The following SORL1 variants were observed in gnomAD, a reference collection of about 807,000 sequenced individuals.
SORL1 encodes the protein sortilin related receptor 1.
In SORL1, 127 loss-of-function variants were observed where a neutral mutation model predicts 273.7. That is an observed-to-expected ratio of 0.46 (90% CI 0.40 to 0.54). The LOEUF is 0.54. Ranked by LOEUF, SORL1 falls within the 20% of genes least tolerant of loss-of-function variation. The pLI is 0.00. For synonymous variants in SORL1, 1,031 were observed against 1,067.4 expected, an observed-to-expected ratio of 0.97 and a Z score of 0.66; for missense variants, 2,494 against 2,846.1, an observed-to-expected ratio of 0.88 and a Z score of 2.81.
chr11:121,553,861 C>T, intron 16 of SORL1, 76 bp from the exon 17 acceptor site: 1 of 1,414,872 alleles, frequency 7.1e-7, no homozygotes, highest in Non-Finnish European at 9.7e-7. Flanking sequence ...GTATGAGAAA[C>T]AAATAGGTCA....
chr11:121,577,500 C>T, intron 25 of SORL1, 100 bp downstream of exon 25: 1 of 1,302,860 alleles, frequency 7.7e-7, no homozygotes, highest in Non-Finnish European at 1.0e-6. Context: ...TGAGAATTAG[C>T]TTGGACCTTA....
In SORL1 at chr11:121,501,434, T is replaced by C. The variant is rs146437985; in HGVS notation, c.939+4385T>C. Among the ~76,000 whole-genome samples, 627 of 152,336 alleles carry C rather than the reference T, an allele frequency of 4.1e-3. 7 individuals carry two copies. The highest frequency in any genetic ancestry group is 0.014 in the African/African-American group (574 of 41,586). On this transcript the variant is annotated intron_variant, in intron 6 of 47. Coordinates refer to ENST00000260197, the MANE Select transcript of SORL1 (RefSeq NM_003105.6). The stretch of plus-strand genomic sequence containing the variant: ...TAGTATCTTTATGGCTTTTTCAATT[T>C]TGGGCAATTTGTGTAATGGAAATCA...
At chr11:121,497,246 A>G (rs964323409) in intron 6 of SORL1, among the ~76,000 whole-genome samples, 197 bp downstream of exon 6, 6 of 152,278 alleles carry the variant, frequency 3.9e-5, no homozygotes, top group African/African-American at 1.2e-4. Context: ...AAGTCAGAGG[A>G]GTGGAGAGGC....
At chr11:121,577,618 T>A (rs1228092499) in intron 25 of SORL1, among the ~76,000 whole-genome samples, 1 of 152,242 alleles carries the variant, frequency 6.6e-6, no homozygotes, top group Non-Finnish European at 1.5e-5. Context: ...AACAGTGTTC[T>A]GAGTGATATC....
intron 8 of SORL1, among the ~76,000 whole-genome samples, chr11:121,515,761 C>T (rs975599276): frequency 1.3e-5 from 2 of 152,128 alleles, no homozygotes; most frequent in Non-Finnish European, 1.5e-5. Context: ...AAGTGATTCT[C>T]CTGCCTTAGC....
At chr11:121,530,068 C>T (rs1428523672) in intron 11 of SORL1, among the ~76,000 whole-genome samples, 1 of 152,076 alleles carries the variant, frequency 6.6e-6, no homozygotes, top group South Asian at 2.1e-4. Flanking sequence ...AATTTAGAAC[C>T]CTTTCAACCA....
At chr11:121,542,294 T>C (rs1043248230) in intron 12 of SORL1, among the ~76,000 whole-genome samples, 1 of 152,228 alleles carries the variant, frequency 6.6e-6, no homozygotes, top group Non-Finnish European at 1.5e-5. Context: ...ATGGCCACTT[T>C]TCCCCTTCAA....
In SORL1 at chr11:121,563,629, C is replaced by T. The variant is rs1862709877; in HGVS notation, c.3050-3311C>T. ...CAGGCTGGTCTTGAACTCCTGAGCT[C>T]AGGCAATCTGCACGCCCCGGCCTCC... On this transcript the variant is annotated intron_variant, in intron 21 of 47. Coordinates refer to ENST00000260197, the MANE Select transcript of SORL1 (RefSeq NM_003105.6). The surrounding 1 kb of genome is among the most constrained non-coding windows in gnomAD (Gnocchi z 4.2). 6.6e-6 allele frequency among the ~76,000 whole-genome samples: 1 copy of T among 152,214 alleles called. No homozygotes were observed.
At chr11:121,527,801 T>G (rs12421319) in intron 11 of SORL1, among the ~76,000 whole-genome samples, 10,442 of 152,218 alleles carry the variant, frequency 0.069, 479 homozygotes, top group South Asian at 0.13. Context: ...TTTTAATGTC[T>G]GTAGGATCTT....
At chr11:121,617,353 C>T (rs1565356215) in intron 41 of SORL1, among the ~76,000 whole-genome samples, 1 of 152,146 alleles carries the variant, frequency 6.6e-6, no homozygotes, top group Non-Finnish European at 1.5e-5. Flanking sequence ...TGATTTTCTT[C>T]CTTGTCTCAT....
intron 18 of SORL1, among the ~76,000 whole-genome samples, chr11:121,556,116 C>T (rs917016086): frequency 2.6e-5 from 4 of 152,172 alleles, no homozygotes; most frequent in African/African-American, 9.7e-5. Flanking sequence ...TTGCTTCATG[C>T]GTTAGATGGA....
intron 11 of SORL1, among the ~76,000 whole-genome samples, chr11:121,524,494 A>G (rs971679833): frequency 6.6e-6 from 1 of 152,162 alleles, no homozygotes; most frequent in Admixed American, 6.6e-5. Context: ...GGATGAAAAG[A>G]TTGTGAGTTT....
In SORL1 at chr11:121,452,394, G is replaced by A. The variant is rs758368932; in HGVS notation, c.63G>A (p.Leu21=). Residue 21 remains leucine (L), a synonymous_variant, in exon 1 of 48, where the codon CTG becomes CTA. Coordinates refer to ENST00000260197, the MANE Select transcript of SORL1 (RefSeq NM_003105.6). The surrounding 1 kb of genome is among the most constrained non-coding windows in gnomAD (Gnocchi z 5.3). ...CGTTCCTATTCACCCTGGTCGCACT[G>A]CTGCCGCCCGGAGCTCTCTGCGAAG... is the stretch of plus-strand genomic sequence containing the variant. ...RLPFLFTLVA[L]LPPGALCEVW... is the part of the protein sequence containing the mutation. The A allele has an allele frequency of 2.9e-5, 45 of 1,539,238 alleles. No individual in the cohort carries two copies. Among genetic ancestry groups the A allele is most frequent in the Non-Finnish European group, 3.8e-5 (44 of 1,146,930 alleles).
chr11:121,624,332 G>T (rs1863764106), intron 45 of SORL1, among the ~76,000 whole-genome samples: 1 of 152,198 alleles, frequency 6.6e-6, no homozygotes, highest in African/African-American at 2.4e-5. Flanking sequence ...AGTGTCAGTA[G>T]CTTTGACACT....
At chr11:121,608,018 C>A in intron 37 of SORL1, 86 bp from the exon 38 acceptor site, 3 of 1,213,170 alleles carry the variant, frequency 2.5e-6, no homozygotes, top group Non-Finnish European at 3.6e-6. Context: ...CAAAATCTCA[C>A]CCCTTTAGCT....
chr11:121,536,736 G>A (rs1381859809), intron 12 of SORL1, among the ~76,000 whole-genome samples: 1 of 151,950 alleles, frequency 6.6e-6, no homozygotes, highest in African/African-American at 2.4e-5. Context: ...TTAAGAAACC[G>A]AGAAACGGAG....
rs370256606 is a variant in SORL1 at position 121,605,547 on chromosome 11, G to A, written c.4924G>A (p.Val1642Met). The change falls in exon 35 of 48, where the codon GTG becomes ATG. Residue 1642 changes from valine (V) to methionine (M), a missense_variant. Val to Met is a conservative substitution (Grantham distance 21). Around this residue, in one of 3 missense-constraint regions of SORL1, gnomAD observed 1,609 missense variants for 1,816.4 expected, o/e 0.89. Coordinates refer to ENST00000260197, the MANE Select transcript of SORL1 (RefSeq NM_003105.6). Reference sequence around the variant, plus strand: ...CAAGGCACACAACACCAATGACTTTGTGACCCTGAGGACCCCAGAGGGATG... The same window carrying A: ...CAAGGCACACAACACCAATGACTTTATGACCCTGAGGACCCCAGAGGGATG... ...LSKAHNTNDF[V>M]TLRTPEGLPD... 2 of 1,614,058 alleles carry A rather than the reference G, an allele frequency of 1.2e-6. No individual in the cohort carries two copies. Among genetic ancestry groups the A allele is most frequent in the Admixed American group, 1.7e-5 (1 of 60,022 alleles).
chr11:121,615,653 G>A (rs1220371225), intron 41 of SORL1, among the ~76,000 whole-genome samples: 2 of 152,150 alleles, frequency 1.3e-5, no homozygotes, highest in African/African-American at 2.4e-5. Context: ...CCTTAGTGAT[G>A]AGCGGAGGAA....
At chr11:121,471,972 G>T (rs1861176889) in intron 2 of SORL1, among the ~76,000 whole-genome samples, 1 of 152,178 alleles carries the variant, frequency 6.6e-6, no homozygotes, top group African/African-American at 2.4e-5. Flanking sequence ...GGCCACCACA[G>T]ACAGCTGTGT....
Sources: allele counts gnomAD v4.1 joint callset (sites outside exome capture counted in the v4.1 genomes callset), GRCh38; gene constraint gnomAD v4.1.1; regional missense constraint gnomAD v4.1.1; non-coding constraint Gnocchi (gnomAD v3.1); transcripts MANE v1.5; gene names NCBI Gene and HGNC (gene_info 2026-07-23, HGNC 2026-07-21).